Variants in IQGAP2 observed in about 807,000 individuals in gnomAD.
The protein encoded by IQGAP2 is IQ motif containing GTPase activating protein 2.
Under a neutral mutation model 201.3 loss-of-function variants are expected in IQGAP2, and 173 were observed. The ratio of observed to expected loss-of-function variants is 0.86; its 90% confidence interval spans 0.76 to 0.98. The LOEUF (loss-of-function observed/expected upper bound fraction) is 0.98, where lower values mean the gene tolerates loss of function less well. IQGAP2 is among the 50% of genes least tolerant of loss of function. IQGAP2 has a pLI of 0.00. For missense variants in IQGAP2, 1,687 were observed against 1,864.8 expected, an observed-to-expected ratio of 0.90 and a Z score of 1.76; for synonymous variants, 675 against 673.9, an observed-to-expected ratio of 1.00 and a Z score of -0.03.
In IQGAP2 at chr5:76,673,879, A is replaced by G. The variant is rs546714244; in HGVS notation, c.3210-73A>G. ...AACTACTCAGCTGAAGTTGACTGGAACAATTGCTGTGTGTTTTTTCCTCAC... is the reference window on the plus strand; with the variant it reads ...AACTACTCAGCTGAAGTTGACTGGAGCAATTGCTGTGTGTTTTTTCCTCAC... On this transcript the variant is annotated intron_variant, in intron 25 of 35. Transcript: ENST00000274364. 9.0e-5 allele frequency: 81 copies of G among 903,202 alleles called. 1 individual carries two copies. The highest frequency in any genetic ancestry group is 6.8e-4 in the South Asian group (49 of 71,592). 55.9% of individuals were successfully genotyped at this position (903,202 alleles called of 1,614,324 possible).
intron 2 of IQGAP2, among the ~76,000 whole-genome samples, chr5:76,509,343 T>A (rs75589359): frequency 0.051 from 7,782 of 152,066 alleles, 512 homozygotes; most frequent in East Asian, 0.35. Flanking sequence ...AATTGTACCT[T>A]ATAAACTCTC....
intron 13 of IQGAP2, chr5:76,623,312 C>G: frequency 6.6e-7 from 1 of 1,515,946 alleles, no homozygotes; most frequent in Non-Finnish European, 9.1e-7. Context: ...TTCCATGTGT[C>G]AGCAGCAAAT....
At chr5:76,655,948 T>A (rs1439545178) in intron 20 of IQGAP2, among the ~76,000 whole-genome samples, 1 of 152,196 alleles carries the variant, frequency 6.6e-6, no homozygotes, top group Non-Finnish European at 1.5e-5. Flanking sequence ...GATGATAAAT[T>A]TACTAGTACT....
intron 2 of IQGAP2, among the ~76,000 whole-genome samples, chr5:76,480,802 C>G (rs1580283386): frequency 1.3e-5 from 2 of 150,564 alleles, no homozygotes; most frequent in South Asian, 4.1e-4. Context: ...GGGCACACAG[C>G]TGTCTTAGTC....
intron 2 of IQGAP2, among the ~76,000 whole-genome samples, chr5:76,562,161 G>A (rs1051363146): frequency 6.6e-6 from 1 of 152,116 alleles, no homozygotes; most frequent in East Asian, 1.9e-4. Flanking sequence ...TGAAGTTGAC[G>A]AGCTCTGGCA....
chr5:76,606,406 T>C (rs1217755230), intron 12 of IQGAP2, 103 bp downstream of exon 12: 6 of 981,580 alleles, frequency 6.1e-6, no homozygotes, highest in South Asian at 4.5e-5. Context: ...CAAGGAACTT[T>C]GTGAGAGCAA....
Position 76,582,317 on chromosome 5 carries a change from T to A in IQGAP2, c.458+6548T>A, listed in dbSNP as rs74709861. On this transcript the variant is annotated intron_variant, in intron 5 of 35. Coordinates refer to ENST00000274364, the MANE Select transcript of IQGAP2 (RefSeq NM_006633.5). Reference sequence around the variant, plus strand: ...CTCAGCTATTATATTTAACATGTTTTAAATGAAGAATCATGGAACTTGAGA... The same window carrying A: ...CTCAGCTATTATATTTAACATGTTTAAAATGAAGAATCATGGAACTTGAGA... Among the ~76,000 whole-genome samples, 675 of 152,352 alleles carry A rather than the reference T, an allele frequency of 4.4e-3. 4 individuals are homozygous for A. The highest frequency in any genetic ancestry group is 0.016 in the East Asian group (81 of 5,192).
At chr5:76,509,984 C>T (rs1036949044) in intron 2 of IQGAP2, among the ~76,000 whole-genome samples, 6 of 138,076 alleles carry the variant, frequency 4.3e-5, no homozygotes, top group South Asian at 4.6e-4. Flanking sequence ...AATTTTCTTT[C>T]TTTTTTTTTT....
chr5:76,581,111 C>T (rs1010597420), intron 5 of IQGAP2, among the ~76,000 whole-genome samples: 15 of 152,172 alleles, frequency 9.9e-5, no homozygotes, highest in East Asian at 3.9e-4. Flanking sequence ...GTTCACCAGC[C>T]GTCCAGGTAC....
chr5:76,633,549 T>G (rs1750875781), intron 15 of IQGAP2, among the ~76,000 whole-genome samples: 1 of 152,208 alleles, frequency 6.6e-6, no homozygotes, highest in African/African-American at 2.4e-5. Context: ...GAGAAATAAT[T>G]TATATGCCAT....
intron 2 of IQGAP2, among the ~76,000 whole-genome samples, chr5:76,484,959 G>A (rs191757184): frequency 5.3e-5 from 8 of 152,322 alleles, no homozygotes; most frequent in Admixed American, 5.2e-4. Context: ...CTTGTGAGTA[G>A]CTGGGACTAC....
intron 17 of IQGAP2, among the ~76,000 whole-genome samples, chr5:76,644,295 C>CTTTTTTTTTTTTTTTTGTTTTTTTT (rs1751841459): frequency 2.1e-5 from 1 of 47,778 alleles, no homozygotes; most frequent in African/African-American, 7.2e-5. Flanking sequence ...TTTGTAAATC[C>CTTTTTTTTTTTTTTTTGTTTTTTTT]TTTTTTTTTT....
intron 31 of IQGAP2, chr5:76,694,033 G>C (rs1007017995): frequency 6.6e-6 from 1 of 152,152 alleles, no homozygotes; most frequent in Non-Finnish European, 1.5e-5. Flanking sequence ...CTAAACAAAA[G>C]TTAATTATTT....
At chr5:76,443,679 C>A (rs1753189109) in intron 1 of IQGAP2, among the ~76,000 whole-genome samples, 2 of 152,010 alleles carry the variant, frequency 1.3e-5, no homozygotes, top group African/African-American at 4.8e-5. Flanking sequence ...ACATGTCAGG[C>A]CACTAGCACA....
chr5:76,544,052 A>T (rs1245765207), intron 2 of IQGAP2, among the ~76,000 whole-genome samples: 1 of 152,118 alleles, frequency 6.6e-6, no homozygotes, highest in African/African-American at 2.4e-5. Flanking sequence ...ATTCCTGAAC[A>T]TGCTGTAGGA....
rs150953323 is a variant in IQGAP2 at position 76,450,583 on chromosome 5, T to A, written c.47-10987T>A. 5.3e-5 allele frequency among the ~76,000 whole-genome samples: 8 copies of A among 152,274 alleles called. No homozygotes were observed. In the East Asian group the frequency reaches 9.7e-4, roughly 18 times the overall value. On this transcript the variant is annotated intron_variant, in intron 1 of 35. Transcript: ENST00000274364. ...AGCTGTTTTAGTCATATGAGAGAAT[T>A]TATGTGGTAGCACTTTATAAATATG...
At chr5:76,529,938 A>ATAATCATG (rs1759194278) in intron 2 of IQGAP2, among the ~76,000 whole-genome samples, 1 of 152,168 alleles carries the variant, frequency 6.6e-6, no homozygotes, top group Admixed American at 6.5e-5. Flanking sequence ...TCTCTGAGCA[A>ATAATCATG]CTGGTAATCA....
At chr5:76,669,383 C>T in intron 23 of IQGAP2, among the ~76,000 whole-genome samples, 1 of 152,094 alleles carries the variant, frequency 6.6e-6, no homozygotes, top group Non-Finnish European at 1.5e-5. Context: ...GTTTTGGGAG[C>T]ACGGGAGCCA....
At chr5:76,544,962 AGTATATAT>A (rs959385344) in intron 2 of IQGAP2, among the ~76,000 whole-genome samples, 5 of 151,988 alleles carry the variant, frequency 3.3e-5, no homozygotes, top group African/African-American at 1.2e-4. Context: ...AGTTATATAC[AGTATATAT>A]GTATATATGT....
Sources: allele counts gnomAD v4.1 joint callset (sites outside exome capture counted in the v4.1 genomes callset), GRCh38; gene constraint gnomAD v4.1.1; transcripts MANE v1.5; gene names NCBI Gene and HGNC (gene_info 2026-07-23, HGNC 2026-07-21).